BCOR: variants seen among roughly 807,000 people sequenced by gnomAD.
BCOR encodes the protein BCL6 corepressor.
In BCOR, 10 loss-of-function variants were observed where a neutral mutation model predicts 86.7. That is an observed-to-expected ratio of 0.12 (90% CI 0.07 to 0.20). BCOR has a LOEUF of 0.20. Among genes scored for constraint, BCOR ranks in the 10% least tolerant of loss-of-function variants. BCOR has a pLI of 1.00. For synonymous variants in BCOR, 611 were observed against 609.0 expected (o/e 1.00, Z -0.05); for missense variants, 1,259 against 1,452.1 (o/e 0.87, Z 2.16).
At chrX:40,159,915 T>C (rs1938376855) in intron 1 of BCOR, among the ~76,000 whole-genome samples, 1 of 111,209 alleles carries the variant, frequency 9.0e-6, no homozygotes, top group African/African-American at 3.3e-5. Context: ...GAAAAAAAAA[T>C]CTTACAAGAA....
At chrX:40,158,081 T>TG (rs748648442) in intron 1 of BCOR, among the ~76,000 whole-genome samples, 24 of 112,170 alleles carry the variant, frequency 2.1e-4, no homozygotes, top group Non-Finnish European at 4.3e-4. Context: ...TGGCACCCAG[T>TG]GGTCCCCGCT....
Position 40,073,059 on chromosome X carries a change from G to T in BCOR, c.2287C>A (p.Arg763=). The part of the protein sequence containing the change: ...ARYEDPTLRN[R]FSEILETSST... Reference sequence around the variant, plus strand: ...CTAGTTTCCAAAATCTCGGAAAACCGATTCCGGAGGGTTGGGTCCTCGTAA... The same window carrying T: ...CTAGTTTCCAAAATCTCGGAAAACCTATTCCGGAGGGTTGGGTCCTCGTAA... Residue 763 remains arginine (R), a synonymous_variant, in exon 4 of 15, where the codon CGG becomes AGG. Transcript: ENST00000378444. 8.3e-7 allele frequency: 1 copy of T among 1,211,889 alleles called. No individual in the cohort carries two copies.
intron 1 of BCOR, among the ~76,000 whole-genome samples, chrX:40,115,632 C>T (rs1937381688): frequency 9.0e-6 from 1 of 110,681 alleles, no homozygotes; most frequent in African/African-American, 3.3e-5. Context: ...AAAAAATTAG[C>T]TGGGTGTGGT....
intron 8 of BCOR, 28 bp from the exon 9 acceptor site, chrX:40,063,099 C>T (rs776485818): frequency 9.7e-5 from 46 of 473,982 alleles, no homozygotes; most frequent in Middle Eastern, 8.9e-4. Context: ...GACGGGGTGG[C>T]GGGCGGATGG....
intron 10 of BCOR, among the ~76,000 whole-genome samples, chrX:40,061,324 G>A (rs767234564): frequency 4.5e-5 from 5 of 111,729 alleles, no homozygotes; most frequent in Admixed American, 9.5e-5. Flanking sequence ...GAGAGGAGCC[G>A]AGTTTGGGGG....
intron 1 of BCOR, among the ~76,000 whole-genome samples, chrX:40,139,264 T>C (rs1937756996): frequency 1.0e-5 from 1 of 99,178 alleles, no homozygotes; most frequent in South Asian, 4.8e-4. Context: ...GCGTGTTGAA[T>C]AAATATAATG....
intron 1 of BCOR, among the ~76,000 whole-genome samples, chrX:40,103,786 AT>A (rs999143682): frequency 5.4e-5 from 6 of 110,119 alleles, no homozygotes; most frequent in Admixed American, 9.7e-5. Context: ...AGATAAGCCA[AT>A]TTTTTTTTCC....
At chrX:40,068,335 T>C (rs146256124) in intron 6 of BCOR, among the ~76,000 whole-genome samples, 86 of 112,073 alleles carry the variant, frequency 7.7e-4, no homozygotes, top group African/African-American at 2.5e-3. Context: ...AGGCCAACCA[T>C]GTTATAACTT....
At chrX:40,169,570 C>G (rs966126650) in intron 1 of BCOR, among the ~76,000 whole-genome samples, 2 of 110,496 alleles carry the variant, frequency 1.8e-5, no homozygotes, top group Non-Finnish European at 3.8e-5. Flanking sequence ...AGCAGCAACA[C>G]GCCACCCCAC....
Position 40,064,604 on chromosome X carries a change from G to C in BCOR, c.3239-5C>G. 8.3e-7 allele frequency: 1 copy of C among 1,211,926 alleles called. No individual in the cohort carries two copies. Among genetic ancestry groups the C allele is most frequent in the Non-Finnish European group, 1.1e-6 (1 of 895,338 alleles). ...TGTTTCCAACACTATACTCGCCTGGGGGAGGGGAGACAAGAGGGCATTAAT... is the reference window on the plus strand; with the variant it reads ...TGTTTCCAACACTATACTCGCCTGGCGGAGGGGAGACAAGAGGGCATTAAT... On this transcript the variant is annotated splice_polypyrimidine_tract_variant and splice_region_variant and intron_variant, in intron 6 of 14. Transcript: ENST00000378444.
At chrX:40,096,661 AC>A (rs1936891367) in intron 1 of BCOR, among the ~76,000 whole-genome samples, 1 of 111,940 alleles carries the variant, frequency 8.9e-6, no homozygotes, top group African/African-American at 3.2e-5. Context: ...GCACACGCCG[AC>A]GTTCCACTTG....
At chrX:40,089,043 G>C (rs1451071223) in intron 1 of BCOR, among the ~76,000 whole-genome samples, 2 of 111,901 alleles carry the variant, frequency 1.8e-5, no homozygotes, top group Non-Finnish European at 3.8e-5. Context: ...GGTGGACCTA[G>C]AATACCCTCG....
intron 10 of BCOR, 80 bp from the exon 11 acceptor site, chrX:40,057,401 G>A (rs2146926158): frequency 9.7e-7 from 1 of 1,026,499 alleles, no homozygotes; most frequent in Non-Finnish European, 1.4e-6. Flanking sequence ...AGCTTTCAAA[G>A]ACATACACCC....
chrX:40,087,562 T>C (rs1936416319), intron 1 of BCOR, among the ~76,000 whole-genome samples: 1 of 112,173 alleles, frequency 8.9e-6, no homozygotes. Context: ...AGACCAGACA[T>C]ATCACAGCTG....
intron 1 of BCOR, among the ~76,000 whole-genome samples, chrX:40,162,471 C>G (rs1433295401): frequency 8.1e-5 from 9 of 111,280 alleles, no homozygotes; most frequent in Non-Finnish European, 1.1e-4. Context: ...TAGGGTGAAC[C>G]AGATACATCC....
At chrX:40,055,540 T>G in intron 11 of BCOR, 27 bp from the exon 12 acceptor site, 5 of 1,209,622 alleles carry the variant, frequency 4.1e-6, no homozygotes, top group Non-Finnish European at 5.6e-6. Context: ...AATAGAATTA[T>G]GCTCATGCAA....
At chrX:40,077,337 C>A in intron 2 of BCOR, 1 of 140,135 alleles carries the variant, frequency 7.1e-6, no homozygotes, top group Non-Finnish European at 1.4e-5. Flanking sequence ...GCCTCCACCC[C>A]ACAACTCCAA....
At chrX:40,055,610 T>C in intron 11 of BCOR, 97 bp from the exon 12 acceptor site, 2 of 1,011,192 alleles carry the variant, frequency 2.0e-6, no homozygotes, top group East Asian at 3.1e-5. Context: ...GCTGGGCACA[T>C]GTGCACCTTG....
chrX:40,078,930 G>A (rs1010839651), intron 1 of BCOR, among the ~76,000 whole-genome samples: 2 of 108,617 alleles, frequency 1.8e-5, no homozygotes, highest in African/African-American at 3.4e-5. Flanking sequence ...GGATTATCAC[G>A]GCGCGTGATT....
Sources: allele counts gnomAD v4.1 joint callset (sites outside exome capture counted in the v4.1 genomes callset), GRCh38; gene constraint gnomAD v4.1.1; transcripts MANE v1.5; gene names NCBI Gene and HGNC (gene_info 2026-07-23, HGNC 2026-07-21).